Variants in PTCD1 observed in about 807,000 individuals in gnomAD.
PTCD1 encodes pentatricopeptide repeat domain 1, also known as pentatricopeptide repeat-containing protein 1, mitochondrial.
PTCD1 carries 50 observed loss-of-function variants against 53.4 expected under a neutral mutation model. That is an observed-to-expected ratio of 0.94 (90% CI 0.75 to 1.19). The LOEUF (loss-of-function observed/expected upper bound fraction) is 1.19, where lower values mean the gene tolerates loss of function less well. Ranked by LOEUF, PTCD1 falls within the 50% of genes most tolerant of loss-of-function variation. The pLI is 0.00. For missense variants in PTCD1, 918 were observed against 904.8 expected, an observed-to-expected ratio of 1.01 and a Z score of -0.19; for synonymous variants, 413 against 394.8, an observed-to-expected ratio of 1.05 and a Z score of -0.55.
chr7:99,425,864 C>T (rs528959214), intron 5 of PTCD1, among the ~76,000 whole-genome samples: 14 of 152,134 alleles, frequency 9.2e-5, no homozygotes, highest in African/African-American at 3.1e-4. Flanking sequence ...ATCAGGAGTT[C>T]GAGACCAGCC....
At chr7:99,423,726 G>T in intron 7 of PTCD1, 49 bp downstream of exon 7, 2 of 1,611,850 alleles carry the variant, frequency 1.2e-6, no homozygotes, top group South Asian at 1.1e-5. Context: ...GGGGGGAGGG[G>T]GTAGCAATGG....
At chr7:99,437,571 G>A (rs1176785006) in intron 1 of PTCD1, among the ~76,000 whole-genome samples, 2 of 152,170 alleles carry the variant, frequency 1.3e-5, no homozygotes, top group Non-Finnish European at 2.9e-5. Flanking sequence ...CCGAAGTGCT[G>A]GGATTACAGC....
chr7:99,438,612 C>G, intron 1 of PTCD1, 80 bp downstream of exon 1: 1 of 1,160,506 alleles, frequency 8.6e-7, no homozygotes, highest in Non-Finnish European at 1.1e-6. Flanking sequence ...GGCTCCAATC[C>G]CGGCTCGGGC....
intron 7 of PTCD1, among the ~76,000 whole-genome samples, chr7:99,420,763 C>T (rs1795772096): frequency 1.3e-5 from 2 of 152,030 alleles, no homozygotes; most frequent in Admixed American, 6.6e-5. Flanking sequence ...TCGAGACCAG[C>T]CTGGCCAGCA....
intron 7 of PTCD1, among the ~76,000 whole-genome samples, chr7:99,420,498 A>G (rs1480430778): frequency 6.6e-6 from 1 of 152,110 alleles, no homozygotes. Flanking sequence ...GCCCCTCCCC[A>G]TCAAAGCCAC....
Position 99,420,131 on chromosome 7 carries a change from A to G in PTCD1, c.1939T>C (p.Tyr647His), listed in dbSNP as rs1795732783. The change falls in exon 8 of 8, where the codon TAC (tyrosine) becomes CAC (histidine). Residue 647 changes from tyrosine (Y) to histidine (H), a missense_variant. Physicochemically the swap from Tyr to His is moderately conservative, Grantham distance 83. Coordinates refer to ENST00000292478, the MANE Select transcript of PTCD1 (RefSeq NM_015545.4). ...TFDRYQGKNT[Y>H]LEKIDGFRAY... ...CGGAAGCCGTCAATCTTCTCCAGGT[A>G]GGTGTTCTTCCCTTGGTACTAGAAT... 6.2e-7 allele frequency: 1 copy of G among 1,614,116 alleles called. No homozygotes were observed.
Position 99,425,251 on chromosome 7 carries a change from G to C in PTCD1, c.1281C>G (p.Thr427=). 2 of 1,612,800 alleles carry C rather than the reference G, an allele frequency of 1.2e-6. No homozygotes were observed. Among genetic ancestry groups the C allele is most frequent in the Non-Finnish European group, 1.7e-6 (2 of 1,179,090 alleles). Residue 427 remains threonine (T), a synonymous_variant, in exon 6 of 8, where the codon ACC becomes ACG. Coordinates refer to ENST00000292478, the MANE Select transcript of PTCD1 (RefSeq NM_015545.4). ...KAEPSHTAAL[T]AVALKPPPVE... is the part of the protein sequence containing the mutation. ...CGGGAGGTGGCTTCAGGGCCACTGC[G>C]GTGAGGGCTGCTGTGTGGCTGGGCT...
intron 5 of PTCD1, 140 bp downstream of exon 5, chr7:99,428,963 C>T (rs1468341163): frequency 8.8e-6 from 9 of 1,025,326 alleles, no homozygotes; most frequent in Middle Eastern, 6.0e-4. Context: ...ATGGAGGCTA[C>T]AGTGGCTGCT....
At chr7:99,431,956 G>T (rs1306112093) in intron 3 of PTCD1, among the ~76,000 whole-genome samples, 2 of 152,216 alleles carry the variant, frequency 1.3e-5, no homozygotes, top group Admixed American at 1.3e-4. Context: ...GCTGTGCAGG[G>T]TGTGCTTTGT....
intron 1 of PTCD1, among the ~76,000 whole-genome samples, chr7:99,436,417 C>T (rs540178362): frequency 6.6e-6 from 1 of 152,038 alleles, no homozygotes; most frequent in Non-Finnish European, 1.5e-5. Flanking sequence ...GTCAGGAGTT[C>T]GAGACCAGCC....
chr7:99,438,085 T>A (rs1052245893), intron 1 of PTCD1, among the ~76,000 whole-genome samples: 1 of 151,882 alleles, frequency 6.6e-6, no homozygotes, highest in Non-Finnish European at 1.5e-5. Flanking sequence ...AAAATAGGGG[T>A]GCATTTTGTT....
Position 99,423,775 on chromosome 7 carries a change from C to A in PTCD1, c.1920G>T (p.Arg640=). The change falls in exon 7 of 8, where the codon CGG becomes CGT. Residue 640 remains arginine (R), a splice_region_variant and synonymous_variant. Coordinates refer to ENST00000292478, the MANE Select transcript of PTCD1 (RefSeq NM_015545.4). ...FAAQYPPTFD[R]YQGKNTYLEK... Reference sequence around the variant, plus strand: ...GAGCTTTTGAGCTTGGGGCACACACCCGGTCAAAGGTGGGAGGGTACTGGG... The same window carrying A: ...GAGCTTTTGAGCTTGGGGCACACACACGGTCAAAGGTGGGAGGGTACTGGG... 6.2e-7 allele frequency: 1 copy of A among 1,613,912 alleles called. No individual in the cohort carries two copies. Among genetic ancestry groups the A allele is most frequent in the Non-Finnish European group, 8.5e-7 (1 of 1,179,996 alleles).
In PTCD1 at chr7:99,417,302, C is replaced by G; in HGVS notation, c.*2665G>C. On this transcript the variant is annotated 3_prime_UTR_variant, in exon 8 of 8. Coordinates refer to ENST00000292478, the MANE Select transcript of PTCD1 (RefSeq NM_015545.4). ...TCCTGACCTCAGGTGATCCGCCTGC[C>G]TCGGCCTCCCAAAGTGCTGGGATTA... 2.2e-6 allele frequency: 2 copies of G among 916,082 alleles called. No individual in the cohort carries two copies. The highest frequency in any genetic ancestry group is 3.4e-6 in the Non-Finnish European group (2 of 584,308). 56.7% of individuals were successfully genotyped at this position (916,082 alleles called of 1,614,324 possible). A position where few individuals can be genotyped will look rare whatever the true frequency, so the allele number is the denominator to read the frequency against.
At chr7:99,428,250 A>C (rs1326024173) in intron 5 of PTCD1, among the ~76,000 whole-genome samples, 1 of 151,878 alleles carries the variant, frequency 6.6e-6, no homozygotes, top group African/African-American at 2.4e-5. Context: ...ATACAAAAAC[A>C]AAATTAGCTG....
At position 99,435,092 on chromosome 7, in the gene PTCD1, A is replaced by T; in HGVS notation, c.151T>A (p.Ser51Thr). ...PMWAPFSSSS[S>T]QLPLGQERQE... Reference sequence around the variant, plus strand: ...CGCTCCTGGCCGAGGGGCAGCTGAGAGGAGGAGCTGCTGAAGGGCGCCCAC... The same window carrying T: ...CGCTCCTGGCCGAGGGGCAGCTGAGTGGAGGAGCTGCTGAAGGGCGCCCAC... Residue 51 changes from serine to threonine, a missense_variant, in exon 2 of 8, where the codon TCT (serine) becomes ACT (threonine). Ser to Thr is a moderately conservative substitution (Grantham distance 58). Coordinates refer to ENST00000292478, the MANE Select transcript of PTCD1 (RefSeq NM_015545.4). The T allele has an allele frequency of 6.2e-7, 1 of 1,608,658 alleles. No individual in the cohort carries two copies. Among genetic ancestry groups the T allele is most frequent in the Non-Finnish European group, 8.5e-7 (1 of 1,177,856 alleles).
rs773389033 is a variant in PTCD1 at position 99,420,060 on chromosome 7, G to C, written c.2010C>G (p.Thr670=). ...TCCGGAACTTCTGCCAGGGGTGCGG[G>C]GTTTCCTCTGCGGGCATCACTGTCA... The part of the protein sequence containing the change: ...QWLTVMPAEE[T]PHPWQKFRTK... The change falls in exon 8 of 8, where the codon ACC becomes ACG. Residue 670 remains threonine, a synonymous_variant. Transcript: ENST00000292478. 1 of 1,614,078 alleles carries C rather than the reference G, an allele frequency of 6.2e-7. No individual in the cohort carries two copies. Among genetic ancestry groups the C allele is most frequent in the African/African-American group, 1.3e-5 (1 of 74,920 alleles).
At chr7:99,422,883 T>C (rs1455298309) in intron 7 of PTCD1, among the ~76,000 whole-genome samples, 5 of 152,136 alleles carry the variant, frequency 3.3e-5, no homozygotes, top group Non-Finnish European at 7.4e-5. Flanking sequence ...ACTAATCTTT[T>C]GCGTCCTCTG....
chr7:99,438,476 A>T, intron 1 of PTCD1: 1 of 1,075,110 alleles, frequency 9.3e-7, no homozygotes, highest in South Asian at 2.1e-5. Flanking sequence ...AATTAGAGAC[A>T]CGCTGCGGCC....
In PTCD1 at chr7:99,417,479, G is replaced by A. The variant is rs1584442949; in HGVS notation, c.*2488C>T. On this transcript the variant is annotated 3_prime_UTR_variant, in exon 8 of 8. Coordinates refer to ENST00000292478, the MANE Select transcript of PTCD1 (RefSeq NM_015545.4). ...AGGCTATGCAGACAAAAACCTGATT[G>A]CAAAATGGAAAAAGCAAGGATATGA... 6.2e-7 allele frequency: 1 copy of A among 1,611,498 alleles called. No individual in the cohort carries two copies. Among genetic ancestry groups the A allele is most frequent in the East Asian group, 2.2e-5 (1 of 44,868 alleles).
Sources: allele counts gnomAD v4.1 joint callset (sites outside exome capture counted in the v4.1 genomes callset), GRCh38; gene constraint gnomAD v4.1.1; transcripts MANE v1.5; gene names NCBI Gene and HGNC (gene_info 2026-07-23, HGNC 2026-07-21).